The following MED13L variants were observed in gnomAD, a reference collection of about 807,000 sequenced individuals.
MED13L encodes the protein mediator of RNA polymerase II transcription subunit 13-like.
In MED13L, 7 loss-of-function variants were observed where a neutral mutation model predicts 220.9. That is an observed-to-expected ratio of 0.03 (90% CI 0.02 to 0.06). The LOEUF (loss-of-function observed/expected upper bound fraction) is 0.06, where lower values mean the gene tolerates loss of function less well. MED13L is among the 10% of genes least tolerant of loss of function. The pLI, the probability that MED13L is intolerant of heterozygous loss-of-function variation, is 1.00. For missense variants in MED13L, 1,965 were observed against 2,760.5 expected (o/e 0.71, Z 6.46); for synonymous variants, 1,011 against 1,015.2 (o/e 1.00, Z 0.08).
chr12:115,992,057 T>C, intron 16 of MED13L, 100 bp from the exon 17 acceptor site: 2 of 1,066,734 alleles, frequency 1.9e-6, no homozygotes, highest in Non-Finnish European at 2.8e-6. Flanking sequence ...TTTCTTATCA[T>C]TTGTTTCTGC....
At chr12:116,175,614 T>C (rs1879994107) in intron 2 of MED13L, among the ~76,000 whole-genome samples, 1 of 152,062 alleles carries the variant, frequency 6.6e-6, no homozygotes, top group African/African-American at 2.4e-5. Context: ...AAGATGCAGA[T>C]TAGAGACAGA....
chr12:116,111,405 C>A (rs746111788), intron 3 of MED13L, 23 bp downstream of exon 3: 2 of 1,597,846 alleles, frequency 1.3e-6, no homozygotes, highest in Non-Finnish European at 1.7e-6. Context: ...CTGCAAACCA[C>A]TGTCTGCTGT....
At chr12:116,052,271 A>G (rs945733931) in intron 4 of MED13L, among the ~76,000 whole-genome samples, 5 of 152,214 alleles carry the variant, frequency 3.3e-5, no homozygotes, top group African/African-American at 7.2e-5. Context: ...CACACAGGAT[A>G]GAGAAACAGA....
At chr12:116,146,629 C>A (rs181486443) in intron 2 of MED13L, among the ~76,000 whole-genome samples, 7 of 151,944 alleles carry the variant, frequency 4.6e-5, no homozygotes, top group African/African-American at 1.4e-4. Flanking sequence ...CTTTGGGAGA[C>A]GAAGGCAGGG....
rs869201518 is a variant in MED13L, at chr12:116,102,710, C to CTTTTTTTTTTTTTTTTTTTTT, written c.396-5979_396-5959dup. ...TATTTTCTTTTTCTTTTTCTTTTTT[C>CTTTTTTTTTTTTTTTTTTTTT]TTTTTTTTTTTTTTTTTTTTTTTTT... On this transcript the variant is annotated intron_variant, in intron 3 of 30. Transcript: ENST00000281928. Among the ~76,000 whole-genome samples, 16 of 68,682 alleles carry CTTTTTTTTTTTTTTTTTTTTT rather than the reference C, an allele frequency of 2.3e-4. 1 individual carries two copies. The highest frequency in any genetic ancestry group is 5.7e-4 in the African/African-American group (10 of 17,516). 45.1% of individuals were successfully genotyped at this position (68,682 alleles called of 152,430 possible).
chr12:116,065,935 A>C (rs2137658703), intron 4 of MED13L, among the ~76,000 whole-genome samples: 1 of 152,366 alleles, frequency 6.6e-6, no homozygotes, highest in South Asian at 2.1e-4. Flanking sequence ...CATCAGTTGC[A>C]GTTTTTCTGC....
At chr12:116,233,392 A>C (rs1869766599) in intron 2 of MED13L, among the ~76,000 whole-genome samples, 1 of 152,186 alleles carries the variant, frequency 6.6e-6, no homozygotes, top group Admixed American at 6.5e-5. Context: ...ATTATTACTA[A>C]GTTAATCTTC....
intron 24 of MED13L, 78 bp from the exon 25 acceptor site, chr12:115,975,391 T>C (rs777856171): frequency 5.0e-6 from 8 of 1,607,476 alleles, no homozygotes; most frequent in African/African-American, 1.3e-5. Flanking sequence ...AGACAAACAC[T>C]AGAAATTCCA....
intron 2 of MED13L, among the ~76,000 whole-genome samples, chr12:116,152,510 G>T (rs906330616): frequency 1.7e-4 from 26 of 152,048 alleles, no homozygotes; most frequent in Admixed American, 1.3e-4. Flanking sequence ...TATCATCCTT[G>T]GGGGATTTCC....
intron 2 of MED13L, among the ~76,000 whole-genome samples, chr12:116,205,885 T>G (rs1184455444): frequency 6.6e-6 from 1 of 150,660 alleles, no homozygotes; most frequent in African/African-American, 2.4e-5. Context: ...ATATTTAATA[T>G]AAATACAGCA....
intron 4 of MED13L, among the ~76,000 whole-genome samples, chr12:116,073,709 T>C (rs752361414): frequency 2.0e-5 from 3 of 152,234 alleles, no homozygotes; most frequent in Non-Finnish European, 4.4e-5. Context: ...CTGATTTTAT[T>C]AGAATGCTTT....
intron 2 of MED13L, among the ~76,000 whole-genome samples, chr12:116,114,373 T>C (rs1463849424): frequency 6.6e-6 from 1 of 152,238 alleles, no homozygotes; most frequent in Non-Finnish European, 1.5e-5. Context: ...TTAATGAGCA[T>C]GCACAGGCAA....
At chr12:116,140,162 A>T (rs1876936399) in intron 2 of MED13L, among the ~76,000 whole-genome samples, 1 of 152,136 alleles carries the variant, frequency 6.6e-6, no homozygotes, top group Admixed American at 6.6e-5. Flanking sequence ...CTTTCCCAGC[A>T]TGCTCTATTC....
In MED13L at chr12:115,975,117, T is replaced by C. The variant is rs1992069; in HGVS notation, c.5731+54A>G. 0.92 allele frequency: 1,427,077 copies of C among 1,545,532 alleles called. 659,235 individuals are homozygous for C. The highest frequency in any genetic ancestry group is 0.96 in the Admixed American group (57,223 of 59,880). The stretch of plus-strand genomic sequence containing the variant: ...TCTCCCTTAGCTCAGTTAATGACAA[T>C]AGCTGAGCCCTTTTCCTCTGTCTTC... On this transcript the variant is annotated intron_variant, in intron 25 of 30. Coordinates refer to ENST00000281928, the MANE Select transcript of MED13L (RefSeq NM_015335.5).
At chr12:116,129,954 T>C (rs1875931128) in intron 2 of MED13L, among the ~76,000 whole-genome samples, 1 of 150,530 alleles carries the variant, frequency 6.6e-6, no homozygotes, top group African/African-American at 2.4e-5. Context: ...AATGAAATGA[T>C]CAGCACATAT....
At position 115,963,975 on chromosome 12, in the gene MED13L, T is replaced by TACTC. The variant is rs1195087135; in HGVS notation, c.6388-460_6388-457dup. Among the ~76,000 whole-genome samples, 3 of 152,084 alleles carry TACTC rather than the reference T, an allele frequency of 2.0e-5. No homozygotes were observed. The East Asian group carries it at 5.8e-4, about 29-fold the overall frequency. ...GGTGGTGTGTGCCTGTAGTCCCAGC[T>TACTC]ACTCAGAAGGCTGAAGCTGGAAGAT... On this transcript the variant is annotated intron_variant, in intron 29 of 30. Coordinates refer to ENST00000281928, the MANE Select transcript of MED13L (RefSeq NM_015335.5).
intron 1 of MED13L, among the ~76,000 whole-genome samples, chr12:116,267,948 C>G (rs1359799175): frequency 6.6e-6 from 1 of 152,126 alleles, no homozygotes; most frequent in Non-Finnish European, 1.5e-5. Context: ...ACAGTACATA[C>G]AGTCTAGATA....
At position 116,019,821 on chromosome 12, in the gene MED13L, C is replaced by T. The variant is rs1879948295; in HGVS notation, c.777G>A (p.Leu259=). 1 of 1,613,998 alleles carries T rather than the reference C, an allele frequency of 6.2e-7. No homozygotes were observed. The highest frequency in any genetic ancestry group is 8.5e-7 in the Non-Finnish European group (1 of 1,179,930). Residue 259 remains leucine, a synonymous_variant, in exon 6 of 31, where the codon TTG becomes TTA. Transcript: ENST00000281928. ...KKEESKEEDE[L]GYDDDFPVAV... is the part of the protein sequence containing the mutation. ...CCACAGGGAAATCATCATCATATCC[C>T]AACTCGTCTTCCTCTTTCGATTCTT...
intron 2 of MED13L, among the ~76,000 whole-genome samples, chr12:116,164,996 T>G (rs1879142656): frequency 6.6e-6 from 1 of 152,224 alleles, no homozygotes; most frequent in Admixed American, 6.5e-5. Context: ...GTTTTTTGAA[T>G]CAGCTTCCAA....
Sources: gnomAD v4.1 joint callset for allele counts (sites outside exome capture counted in the v4.1 genomes callset) on GRCh38, gnomAD v4.1.1 for gene constraint, MANE v1.5 for transcripts, NCBI Gene and HGNC (gene_info 2026-07-23, HGNC 2026-07-21) for gene names.